RNGTT: variants seen among roughly 807,000 people sequenced by gnomAD.
RNGTT encodes RNA guanylyltransferase and 5'-phosphatase.
A neutral mutation model predicts 79.3 loss-of-function variants in RNGTT; 33 were observed. That is an observed-to-expected ratio of 0.42 (90% confidence interval 0.32 to 0.56). The LOEUF (loss-of-function observed/expected upper bound fraction) is 0.56, where lower values mean the gene tolerates loss of function less well. RNGTT is among the 20% of genes least tolerant of loss of function. The probability of loss-of-function intolerance (pLI) is 0.17; values close to 1 mark genes in which losing one functional copy is unlikely to be tolerated. For synonymous variants in RNGTT, 222 were observed against 235.9 expected, an observed-to-expected ratio of 0.94 and a Z score of 0.54; for missense variants, 497 against 739.1, an observed-to-expected ratio of 0.67 and a Z score of 3.80.
chr6:88,948,924 A>G (rs1785130750), intron 1 of RNGTT, among the ~76,000 whole-genome samples: 1 of 91,184 alleles, frequency 1.1e-5, no homozygotes, highest in African/African-American at 4.4e-5. Context: ...CATGCTCGTT[A>G]AGAGTCATCA....
At chr6:88,702,016 G>A (rs1775965142) in intron 13 of RNGTT, among the ~76,000 whole-genome samples, 1 of 152,194 alleles carries the variant, frequency 6.6e-6, no homozygotes, top group Middle Eastern at 3.4e-3. Context: ...CTAAGGAGGT[G>A]ACAGGTCTTT....
At chr6:88,754,756 C>T (rs1312661332) in intron 13 of RNGTT, among the ~76,000 whole-genome samples, 1 of 152,204 alleles carries the variant, frequency 6.6e-6, no homozygotes, top group African/African-American at 2.4e-5. Context: ...TCTTAAACCA[C>T]AAACAATATC....
chr6:88,799,413 T>C (rs1344274423), intron 12 of RNGTT, among the ~76,000 whole-genome samples: 1 of 152,034 alleles, frequency 6.6e-6, no homozygotes, highest in Non-Finnish European at 1.5e-5. Flanking sequence ...AAAAGTGTGG[T>C]TACGGCCCGG....
chr6:88,918,176 A>G (rs1424890152), intron 4 of RNGTT, among the ~76,000 whole-genome samples: 1 of 152,116 alleles, frequency 6.6e-6, no homozygotes, highest in African/African-American at 2.4e-5. Flanking sequence ...TTTAAAAAAT[A>G]GCCAGGCATG....
intron 6 of RNGTT, among the ~76,000 whole-genome samples, chr6:88,898,635 A>G (rs1783333560): frequency 6.6e-6 from 1 of 150,460 alleles, no homozygotes; most frequent in African/African-American, 2.4e-5. Flanking sequence ...TAATTTTTAC[A>G]ATATATAATT....
chr6:88,702,885 G>C (rs1775992777), intron 13 of RNGTT, among the ~76,000 whole-genome samples: 1 of 151,940 alleles, frequency 6.6e-6, no homozygotes, highest in African/African-American at 2.4e-5. Context: ...TAAGAAATAG[G>C]CAAAAGATAT....
intron 8 of RNGTT, among the ~76,000 whole-genome samples, chr6:88,874,533 T>G (rs548518442): frequency 1.3e-5 from 2 of 152,232 alleles, no homozygotes; most frequent in Admixed American, 1.3e-4. Context: ...TTTTCACAGA[T>G]TCACAAAGAG....
intron 14 of RNGTT, among the ~76,000 whole-genome samples, chr6:88,627,044 C>A (rs557981679): frequency 3.3e-4 from 50 of 151,678 alleles, no homozygotes; most frequent in African/African-American, 1.1e-3. Context: ...CCACCATTAA[C>A]ATGAGGAGGA....
chr6:88,762,345 C>T (rs183042833), intron 13 of RNGTT, among the ~76,000 whole-genome samples: 4 of 152,258 alleles, frequency 2.6e-5, no homozygotes. Flanking sequence ...GGGAAATAAA[C>T]CAAAAGCAGT....
intron 4 of RNGTT, among the ~76,000 whole-genome samples, chr6:88,916,673 G>A (rs1403140033): frequency 6.6e-6 from 1 of 152,038 alleles, no homozygotes; most frequent in African/African-American, 2.4e-5. Context: ...CAAAAACCCA[G>A]GTTATACATT....
At chr6:88,757,172 G>A (rs1277285591) in intron 13 of RNGTT, among the ~76,000 whole-genome samples, 1 of 152,140 alleles carries the variant, frequency 6.6e-6, no homozygotes, top group Admixed American at 6.5e-5. Context: ...GAAAACCAGA[G>A]GATCTCAGCA....
chr6:88,850,496 G>T (rs1781635213), intron 9 of RNGTT, among the ~76,000 whole-genome samples: 1 of 151,862 alleles, frequency 6.6e-6, no homozygotes, highest in Non-Finnish European at 1.5e-5. Context: ...ATATGTTTTT[G>T]ACCTAAAATT....
intron 8 of RNGTT, among the ~76,000 whole-genome samples, chr6:88,861,019 T>C (rs1029103650): frequency 9.9e-5 from 15 of 152,104 alleles, no homozygotes; most frequent in Admixed American, 5.9e-4. Context: ...ACACCATCTA[T>C]TTACCATCCT....
intron 13 of RNGTT, among the ~76,000 whole-genome samples, chr6:88,752,501 C>T (rs1777873525): frequency 6.6e-6 from 1 of 152,072 alleles, no homozygotes; most frequent in African/African-American, 2.4e-5. Context: ...ATTCCACCTA[C>T]AATTATATCA....
At chr6:88,908,808 C>T (rs1468031344) in intron 4 of RNGTT, among the ~76,000 whole-genome samples, 1 of 152,220 alleles carries the variant, frequency 6.6e-6, no homozygotes, top group Non-Finnish European at 1.5e-5. Context: ...CATAGTGTAT[C>T]TGATCCACAT....
chr6:88,682,475 CAACTTAAG>C (rs1775126683), intron 13 of RNGTT, among the ~76,000 whole-genome samples: 1 of 152,176 alleles, frequency 6.6e-6, no homozygotes, highest in Non-Finnish European at 1.5e-5. Flanking sequence ...GTGCCATCTT[CAACTTAAG>C]AAAATGCATA....
chr6:88,824,177 A>G (rs571425823), intron 11 of RNGTT, among the ~76,000 whole-genome samples: 27 of 152,324 alleles, frequency 1.8e-4, no homozygotes, highest in Non-Finnish European at 2.9e-4. Context: ...TTGTTGGGTG[A>G]TTCTGTCATT....
chr6:88,733,780 A>G (rs936188139), intron 13 of RNGTT, among the ~76,000 whole-genome samples: 1 of 151,998 alleles, frequency 6.6e-6, no homozygotes, highest in African/African-American at 2.4e-5. Context: ...GAAATCATGC[A>G]AACAAGAAGA....
intron 8 of RNGTT, among the ~76,000 whole-genome samples, chr6:88,864,909 A>T (rs1284158233): frequency 6.6e-6 from 1 of 152,094 alleles, no homozygotes; most frequent in East Asian, 1.9e-4. Flanking sequence ...AGAATGGAGA[A>T]CAGTGGTTGC....
Sources: gnomAD v4.1 joint callset for allele counts (sites outside exome capture counted in the v4.1 genomes callset) on GRCh38, gnomAD v4.1.1 for gene constraint, MANE v1.5 for transcripts, NCBI Gene and HGNC (gene_info 2026-07-23, HGNC 2026-07-21) for gene names.